PRKAR2A: variants seen among roughly 807,000 people sequenced by gnomAD.
PRKAR2A encodes the protein protein kinase cAMP-dependent type II regulatory subunit alpha.
In PRKAR2A, 29 loss-of-function variants were observed where a neutral mutation model predicts 51.9. The ratio of observed to expected loss-of-function variants is 0.56; its 90% CI spans 0.42 to 0.76. The LOEUF (loss-of-function observed/expected upper bound fraction) is 0.76. Ranked by LOEUF, PRKAR2A falls within the 30% of genes least tolerant of loss-of-function variation. The pLI, the probability that PRKAR2A is intolerant of heterozygous loss-of-function variation, is 0.00. For missense variants in PRKAR2A, 445 were observed against 512.1 expected, an observed-to-expected ratio of 0.87 and a Z score of 1.26; for synonymous variants, 178 against 186.2, an observed-to-expected ratio of 0.96 and a Z score of 0.36.
chr3:48,817,775 A>G (rs2082897653), intron 1 of PRKAR2A, among the ~76,000 whole-genome samples: 1 of 151,912 alleles, frequency 6.6e-6, no homozygotes, highest in African/African-American at 2.4e-5. Context: ...AAACAAAAAC[A>G]ATGGAGACAT....
At chr3:48,803,501 T>C (rs1418957498) in intron 2 of PRKAR2A, among the ~76,000 whole-genome samples, 1 of 152,214 alleles carries the variant, frequency 6.6e-6, no homozygotes, top group Non-Finnish European at 1.5e-5. Flanking sequence ...CTCAGCTCAC[T>C]GTAACCTCCG....
chr3:48,815,287 TAC>T (rs1385657710), intron 1 of PRKAR2A, among the ~76,000 whole-genome samples: 1 of 151,924 alleles, frequency 6.6e-6, no homozygotes, highest in East Asian at 1.9e-4. Flanking sequence ...CAAACATACA[TAC>T]ACACACATAC....
intron 5 of PRKAR2A, among the ~76,000 whole-genome samples, chr3:48,774,142 TTC>T (rs2082071401): frequency 6.6e-6 from 1 of 152,034 alleles, no homozygotes. Context: ...CTAATTTTTT[TTC>T]TTTTATTAAT....
chr3:48,790,506 G>A, intron 4 of PRKAR2A, 38 bp downstream of exon 4: 2 of 1,415,108 alleles, frequency 1.4e-6, no homozygotes, highest in East Asian at 2.5e-5. Context: ...AAAGCTAAAA[G>A]ATCATTATAA....
At chr3:48,846,221 T>C (rs2083459911) in intron 1 of PRKAR2A, among the ~76,000 whole-genome samples, 1 of 6,136 alleles carries the variant, frequency 1.6e-4, no homozygotes, top group Non-Finnish European at 2.1e-4. Flanking sequence ...TCCTTTTTCT[T>C]TTTTTTTTTT....
chr3:48,804,873 G>C (rs558885095), intron 2 of PRKAR2A, among the ~76,000 whole-genome samples: 2 of 152,096 alleles, frequency 1.3e-5, no homozygotes, highest in South Asian at 4.1e-4. Context: ...CTAAAACAAG[G>C]AGAAGCAGTG....
chr3:48,840,414 G>T (rs1201203218), intron 1 of PRKAR2A, among the ~76,000 whole-genome samples: 1 of 151,852 alleles, frequency 6.6e-6, no homozygotes, highest in South Asian at 2.1e-4. Context: ...TGAACTGCTT[G>T]AACCCAGGAG....
rs1298860224 is a variant in PRKAR2A, at chr3:48,746,725, G to C, written c.*4860C>G. ...TGTTCATTATATGTTTAACACCACA[G>C]AGCAAGAATTGATCACGTTTCAATC... On this transcript the variant is annotated 3_prime_UTR_variant, in exon 11 of 11. Coordinates refer to ENST00000265563, the MANE Select transcript of PRKAR2A (RefSeq NM_004157.4). The C allele has an allele frequency of 6.6e-6, 1 of 152,148 alleles. No individual in the cohort carries two copies. The highest frequency in any genetic ancestry group is 1.5e-5 in the Non-Finnish European group (1 of 68,034). The allele number at this position is 152,148 out of a possible 1,614,324, so 9.4% of individuals were successfully genotyped here. A position where few individuals can be genotyped will look rare whatever the true frequency, so the allele number is the denominator to read the frequency against.
rs562247741 is a variant in PRKAR2A, at chr3:48,816,623, A to C, written c.263-8939T>G. On this transcript the variant is annotated intron_variant, in intron 1 of 10. Transcript: ENST00000265563. ...ACTGCACTCCAGCCTTGCGACAGAG[A>C]GAGACTCCATCTCAAAAAAAAGAAA... 1.9e-3 allele frequency among the ~76,000 whole-genome samples: 296 copies of C among 152,010 alleles called. 3 individuals carry two copies. Among genetic ancestry groups the C allele is most frequent in the African/African-American group, 6.7e-3 (277 of 41,456 alleles).
Position 48,847,519 on chromosome 3 carries a change from C to A in PRKAR2A, c.78G>T (p.Pro26=). ...CCACTGCGAATTCGACGAGGTCAGGCGGCTGCTGTCGCAGCACCTCCACCG... is the reference window on the plus strand; with the variant it reads ...CCACTGCGAATTCGACGAGGTCAGGAGGCTGCTGTCGCAGCACCTCCACCG... ...GYTVEVLRQQ[P]PDLVEFAVEY... The change falls in exon 1 of 11, where the codon CCG becomes CCT. Residue 26 remains proline (P), a synonymous_variant. Transcript: ENST00000265563. The surrounding 1 kb of genome is among the most constrained non-coding windows in gnomAD (Gnocchi z 4.4). The A allele has an allele frequency of 3.2e-6, 5 of 1,559,526 alleles. No individual in the cohort carries two copies. Among genetic ancestry groups the A allele is most frequent in the South Asian group, 2.4e-5 (2 of 84,006 alleles).
Position 48,773,016 on chromosome 3 carries a change from A to C in PRKAR2A, c.635T>G (p.Met212Arg). The change falls in exon 6 of 11, where the codon ATG becomes AGG. Residue 212 changes from methionine to arginine, a missense_variant. Coordinates refer to ENST00000265563, the MANE Select transcript of PRKAR2A (RefSeq NM_004157.4). ...GGTAGCAGCTCTCGGGGTGTTGTAC[A>C]TCAGAGCTAGTTCTCCAAAACTGCC... ...NRGSFGELAL[M>R]YNTPRAATIV... 6.2e-7 allele frequency: 1 copy of C among 1,614,016 alleles called. No individual in the cohort carries two copies. The highest frequency in any genetic ancestry group is 8.5e-7 in the Non-Finnish European group (1 of 1,179,912).
intron 1 of PRKAR2A, among the ~76,000 whole-genome samples, chr3:48,837,233 T>C (rs2083301415): frequency 6.6e-6 from 1 of 152,018 alleles, no homozygotes. Context: ...GAGCCCAGGA[T>C]TTCAAGGCTG....
intron 8 of PRKAR2A, 62 bp from the exon 9 acceptor site, chr3:48,756,506 G>T: frequency 1.6e-6 from 2 of 1,269,894 alleles, no homozygotes; most frequent in South Asian, 1.2e-5. Context: ...TAAAGAAATA[G>T]ATTGCTTTTT....
At chr3:48,755,122 G>A (rs1011329766) in intron 9 of PRKAR2A, among the ~76,000 whole-genome samples, 3 of 149,138 alleles carry the variant, frequency 2.0e-5, no homozygotes, top group Non-Finnish European at 3.0e-5. Flanking sequence ...TTAGCCTCCC[G>A]AGTAGCTGGG....
intron 5 of PRKAR2A, among the ~76,000 whole-genome samples, chr3:48,780,382 T>C (rs2082174246): frequency 6.6e-6 from 1 of 151,912 alleles, no homozygotes; most frequent in Non-Finnish European, 1.5e-5. Context: ...GGCGGGCAGA[T>C]CACGAGGTCA....
intron 6 of PRKAR2A, among the ~76,000 whole-genome samples, chr3:48,767,703 T>A (rs1054608686): frequency 5.3e-5 from 8 of 151,634 alleles, no homozygotes; most frequent in African/African-American, 9.7e-5. Flanking sequence ...GGCGGGTGGA[T>A]CACAAGGTCA....
chr3:48,843,852 C>G (rs1336468890), intron 1 of PRKAR2A, among the ~76,000 whole-genome samples: 41 of 151,728 alleles, frequency 2.7e-4, no homozygotes, highest in Middle Eastern at 3.4e-3. Flanking sequence ...GGATTAAAGA[C>G]TTAAACGTTA....
At position 48,790,531 on chromosome 3, in the gene PRKAR2A, A is replaced by C. The variant is rs762462281; in HGVS notation, c.435+13T>G. The stretch of plus-strand genomic sequence containing the variant: ...GATCATTATAATAAAAATACTTTAG[A>C]AATCAATGTTACCTGATCAAGATTT... On this transcript the variant is annotated intron_variant, in intron 4 of 10. Transcript: ENST00000265563. The C allele has an allele frequency of 2.7e-6, 4 of 1,508,492 alleles. No homozygotes were observed. Among genetic ancestry groups the C allele is most frequent in the Non-Finnish European group, 3.6e-6 (4 of 1,125,568 alleles). 93.4% of individuals were successfully genotyped at this position (1,508,492 alleles called of 1,614,324 possible).
intron 2 of PRKAR2A, among the ~76,000 whole-genome samples, chr3:48,798,959 C>G (rs7373778): frequency 0.67 from 101,675 of 152,032 alleles, 34,610 homozygotes; most frequent in East Asian, 0.96. Context: ...TCGTGTCCAG[C>G]CTCCCTTTTC....
Sources: allele counts gnomAD v4.1 joint callset (sites outside exome capture counted in the v4.1 genomes callset), GRCh38; gene constraint gnomAD v4.1.1; non-coding constraint Gnocchi (gnomAD v3.1); transcripts MANE v1.5; gene names NCBI Gene and HGNC (gene_info 2026-07-23, HGNC 2026-07-21).